Variants in GABPB1 observed in about 807,000 individuals in gnomAD.
GABPB1 encodes GA-binding protein subunit beta-1.
GABPB1 carries 15 observed loss-of-function variants against 45.9 expected under a neutral mutation model. That is an observed-to-expected ratio of 0.33 (90% confidence interval 0.22 to 0.50). The LOEUF (loss-of-function observed/expected upper bound fraction) is 0.50. Ranked by LOEUF, GABPB1 falls within the 20% of genes least tolerant of loss-of-function variation. The pLI is 0.98. For missense variants in GABPB1, 252 were observed against 457.5 expected, an observed-to-expected ratio of 0.55 and a Z score of 4.10; for synonymous variants, 143 against 154.4, an observed-to-expected ratio of 0.93 and a Z score of 0.55.
intron 2 of GABPB1, among the ~76,000 whole-genome samples, chr15:50,304,370 A>AT (rs908414753): frequency 1.3e-5 from 2 of 152,168 alleles, no homozygotes; most frequent in African/African-American, 2.4e-5. Flanking sequence ...TTTCTTCATT[A>AT]TTTTTTATCA....
At chr15:50,336,289 G>A (rs1380917846) in intron 1 of GABPB1, among the ~76,000 whole-genome samples, 1 of 151,092 alleles carries the variant, frequency 6.6e-6, no homozygotes, top group African/African-American at 2.4e-5. Flanking sequence ...AGGAGGCAGA[G>A]GTTGCAGTAA....
intron 1 of GABPB1, among the ~76,000 whole-genome samples, chr15:50,322,301 C>T (rs2047599538): frequency 6.6e-6 from 1 of 151,988 alleles, no homozygotes; most frequent in South Asian, 2.1e-4. Flanking sequence ...TACCTGTAAT[C>T]CCAGCCCTTT....
At chr15:50,328,599 T>C (rs891774454) in intron 1 of GABPB1, among the ~76,000 whole-genome samples, 1 of 152,222 alleles carries the variant, frequency 6.6e-6, no homozygotes, top group Non-Finnish European at 1.5e-5. Flanking sequence ...TTAATGATAC[T>C]AAGAATAATA....
At chr15:50,284,500 C>G (rs1057493960) in intron 8 of GABPB1, among the ~76,000 whole-genome samples, 1 of 152,194 alleles carries the variant, frequency 6.6e-6, no homozygotes, top group Non-Finnish European at 1.5e-5. Context: ...ACTTTATATA[C>G]CTCTCAATTC....
intron 1 of GABPB1, among the ~76,000 whole-genome samples, chr15:50,325,723 G>A (rs2047731633): frequency 6.6e-6 from 1 of 151,416 alleles, no homozygotes; most frequent in Non-Finnish European, 1.5e-5. Context: ...AGTAGAGATG[G>A]GGTATCACCC....
intron 1 of GABPB1, among the ~76,000 whole-genome samples, chr15:50,341,741 C>A (rs74419246): frequency 0.02 from 3,069 of 152,170 alleles, 103 homozygotes; most frequent in African/African-American, 0.071. Flanking sequence ...CAAATGTAAA[C>A]CGTCTTCCTC....
intron 1 of GABPB1, among the ~76,000 whole-genome samples, chr15:50,338,885 C>G (rs976207588): frequency 8.5e-5 from 13 of 152,292 alleles, no homozygotes; most frequent in African/African-American, 2.6e-4. Context: ...AAATTGGAAC[C>G]ATAGGCCAAA....
intron 8 of GABPB1, chr15:50,282,318 G>T: frequency 2.2e-6 from 1 of 455,114 alleles, no homozygotes; most frequent in South Asian, 1.5e-5. Flanking sequence ...CAACTCTTCA[G>T]GAGGCTGAGG....
rs566779386 is a variant in GABPB1 at position 50,339,149 on chromosome 15, T to C, written c.-1+15836A>G. On this transcript the variant is annotated intron_variant, in intron 1 of 8. Transcript: ENST00000380877. ...GTCTGGTCAACATGGTGAAACCCTG[T>C]CTGTACTAAAAATACAAAACTAGCC... Among the ~76,000 whole-genome samples the C allele has an allele frequency of 3.3e-5, 5 of 152,238 alleles. No individual in the cohort carries two copies. The East Asian group carries it at 9.7e-4, about 29-fold the overall frequency.
chr15:50,315,273 A>C (rs1269099955), intron 1 of GABPB1, among the ~76,000 whole-genome samples: 1 of 152,128 alleles, frequency 6.6e-6, no homozygotes, highest in Non-Finnish European at 1.5e-5. Flanking sequence ...CTGCAACTAC[A>C]AGAGTACACC....
intron 6 of GABPB1, among the ~76,000 whole-genome samples, chr15:50,289,902 G>A (rs2046294203): frequency 6.6e-6 from 1 of 151,912 alleles, no homozygotes; most frequent in Non-Finnish European, 1.5e-5. Context: ...CTCCCAAGTA[G>A]CTGAGACTGC....
At chr15:50,305,465 C>T (rs2046916767) in intron 2 of GABPB1, among the ~76,000 whole-genome samples, 1 of 152,130 alleles carries the variant, frequency 6.6e-6, no homozygotes, top group Non-Finnish European at 1.5e-5. Context: ...AATCTGTCCA[C>T]CTCAGCCTCC....
chr15:50,300,428 TG>T lies in GABPB1; in HGVS notation c.697+360del, dbSNP rs1567496598. ...CTTTGTAAATATTTGAATCTGCAAC[TG>T]TTTTTGGTTTTTTTTTTTTTTTTTT... On this transcript the variant is annotated intron_variant, in intron 6 of 8. Coordinates refer to ENST00000380877, the MANE Select transcript of GABPB1 (RefSeq NM_016654.5). 5.8e-4 allele frequency among the ~76,000 whole-genome samples: 54 copies of T among 93,168 alleles called. 1 individual carries two copies. Among genetic ancestry groups the T allele is most frequent in the African/African-American group, 1.4e-3 (32 of 23,690 alleles). 61.1% of individuals were successfully genotyped at this position (93,168 alleles called of 152,430 possible).
At chr15:50,337,103 A>ATATATATG (rs2048169728) in intron 1 of GABPB1, among the ~76,000 whole-genome samples, 1 of 5,630 alleles carries the variant, frequency 1.8e-4, no homozygotes, top group East Asian at 5.6e-3. Context: ...ATATATATAT[A>ATATATATG]TATATATATA....
At chr15:50,288,045 TTTTC>T (rs1290434970) in intron 7 of GABPB1, among the ~76,000 whole-genome samples, 2 of 152,126 alleles carry the variant, frequency 1.3e-5, no homozygotes, top group African/African-American at 4.8e-5. Context: ...ATCCTACTCA[TTTTC>T]TTTCTTTCTT....
intron 1 of GABPB1, among the ~76,000 whole-genome samples, chr15:50,318,834 A>G (rs1212737798): frequency 6.6e-6 from 1 of 152,270 alleles, no homozygotes; most frequent in Non-Finnish European, 1.5e-5. Context: ...GGAGAAAAAA[A>G]CTATACCATA....
chr15:50,317,877 C>G (rs531578939), intron 1 of GABPB1, among the ~76,000 whole-genome samples: 1 of 150,698 alleles, frequency 6.6e-6, no homozygotes, highest in South Asian at 2.1e-4. Flanking sequence ...CCACCGCACT[C>G]CAGCCTGGGC....
chr15:50,329,519 G>T (rs558926625), intron 1 of GABPB1, among the ~76,000 whole-genome samples: 90 of 152,146 alleles, frequency 5.9e-4, no homozygotes, highest in Middle Eastern at 6.8e-3. Flanking sequence ...AAAGGTGGGG[G>T]TTTTTTTGCA....
chr15:50,348,733 G>T (rs529047182), intron 1 of GABPB1, among the ~76,000 whole-genome samples: 2 of 151,906 alleles, frequency 1.3e-5, no homozygotes, highest in African/African-American at 2.4e-5. Flanking sequence ...GTCGTGGCGC[G>T]CACCTGTAGT....
Sources: gnomAD v4.1 joint callset for allele counts (sites outside exome capture counted in the v4.1 genomes callset) on GRCh38, gnomAD v4.1.1 for gene constraint, MANE v1.5 for transcripts, NCBI Gene and HGNC (gene_info 2026-07-23, HGNC 2026-07-21) for gene names.